RHOU: variants seen among roughly 807,000 people sequenced by gnomAD.
RHOU encodes the protein rho-related GTP-binding protein RhoU.
In RHOU, 8 loss-of-function variants were observed where a neutral mutation model predicts 12.6. The ratio of observed to expected loss-of-function variants is 0.64; its 90% confidence interval spans 0.37 to 1.15. RHOU has a LOEUF of 1.15. RHOU is among the 50% of genes most tolerant of loss of function. RHOU has a pLI of 0.01. For missense variants in RHOU, 258 were observed against 347.0 expected (o/e 0.74, Z 2.04); for synonymous variants, 161 against 147.4 (o/e 1.09, Z -0.67).
chr1:228,743,375 A>T lies in RHOU; in HGVS notation c.412A>T (p.Asn138Tyr). The T allele has an allele frequency of 6.2e-7, 1 of 1,614,126 alleles. No individual in the cohort carries two copies. The highest frequency in any genetic ancestry group is 8.5e-7 in the Non-Finnish European group (1 of 1,180,018). Residue 138 changes from asparagine to tyrosine, a missense_variant, in exon 3 of 3, where the codon AAC (asparagine) becomes TAC (tyrosine). Transcript: ENST00000366691. This position sits in a 1 kb window ranked among gnomAD's most constrained non-coding sequence, Gnocchi z 5.1. ...FSVVSPSSFQ[N>Y]VSEKWVPEIR... ...TGTCGTGAGCCCCTCATCCTTCCAG[A>T]ACGTCAGTGAGAAATGGGTGCCGGA...
chr1:228,652,912 T>C, the RHOU span, among the ~76,000 whole-genome samples: 1 of 152,204 alleles, frequency 6.6e-6, no homozygotes, highest in East Asian at 1.9e-4. Context: ...AGTGAAAGCA[T>C]TTATTTTTTT....
the RHOU span, among the ~76,000 whole-genome samples, chr1:228,699,070 G>T: frequency 6.6e-6 from 1 of 151,512 alleles, no homozygotes; most frequent in Non-Finnish European, 1.5e-5. Context: ...ATCCTCAGTC[G>T]GTGGGCTATG....
chr1:228,746,619 A>G lies in RHOU; in HGVS notation c.*2879A>G, dbSNP rs1662839352. ...GATGTTGAGCAGAATGTTGTACTTGAAAATGCTATAAGTGAGATGGTATGA... is the reference window on the plus strand; with the variant it reads ...GATGTTGAGCAGAATGTTGTACTTGGAAATGCTATAAGTGAGATGGTATGA... On this transcript the variant is annotated 3_prime_UTR_variant, in exon 3 of 3. Coordinates refer to ENST00000366691, the MANE Select transcript of RHOU (RefSeq NM_021205.6). 1 of 152,244 alleles carries G rather than the reference A, an allele frequency of 6.6e-6. No homozygotes were observed. Among genetic ancestry groups the G allele is most frequent in the African/African-American group, 2.4e-5 (1 of 41,476 alleles). 9.4% of individuals were successfully genotyped at this position (152,244 alleles called of 1,614,324 possible).
chr1:228,719,001 G>T, the RHOU span, among the ~76,000 whole-genome samples: 7 of 152,156 alleles, frequency 4.6e-5, no homozygotes, highest in Non-Finnish European at 7.4e-5. Flanking sequence ...CGTCTAAAAG[G>T]TTTGAAATTT....
At chr1:228,714,483 C>T in the RHOU span, among the ~76,000 whole-genome samples, 1 of 152,044 alleles carries the variant, frequency 6.6e-6, no homozygotes. Context: ...TAACTTCCTC[C>T]ACATATTCTA....
chr1:228,671,573 C>G, the RHOU span, among the ~76,000 whole-genome samples: 6,467 of 151,330 alleles, frequency 0.043, 480 homozygotes, highest in African/African-American at 0.15. Context: ...AAAAATTAGC[C>G]CAGCATGGTG....
the RHOU span, among the ~76,000 whole-genome samples, chr1:228,724,832 G>A: frequency 6.6e-6 from 1 of 152,110 alleles, no homozygotes; most frequent in African/African-American, 2.4e-5. Context: ...AAATAGGTGT[G>A]GCATGGGTGC....
rs1278715546 is a variant in RHOU, at chr1:228,746,014, G to A, written c.*2274G>A. 6.6e-6 allele frequency: 1 copy of A among 152,222 alleles called. No homozygotes were observed. The highest frequency in any genetic ancestry group is 1.9e-4 in the East Asian group (1 of 5,196). 9.4% of individuals were successfully genotyped at this position (152,222 alleles called of 1,614,324 possible). ...AGTGCTCAGTGAAGTACACCTGTGTGGCCCAGTTCTGAAAGCTTTATACAG... is the reference window on the plus strand; with the variant it reads ...AGTGCTCAGTGAAGTACACCTGTGTAGCCCAGTTCTGAAAGCTTTATACAG... On this transcript the variant is annotated 3_prime_UTR_variant, in exon 3 of 3. Coordinates refer to ENST00000366691, the MANE Select transcript of RHOU (RefSeq NM_021205.6).
chr1:228,649,608 A>T, the RHOU span, among the ~76,000 whole-genome samples: 1 of 152,330 alleles, frequency 6.6e-6, no homozygotes, highest in East Asian at 1.9e-4. Context: ...GTGACATTTG[A>T]TGCTGTTTTG....
Position 228,744,295 on chromosome 1 carries a change from A to T in RHOU, c.*555A>T, listed in dbSNP as rs1344923405. On this transcript the variant is annotated 3_prime_UTR_variant, in exon 3 of 3. Transcript: ENST00000366691. The stretch of plus-strand genomic sequence containing the variant: ...AAACCTCAAACCAGTCACTTTTGTC[A>T]ATTGCTAATACCCAGTTACTTATGA... 6.6e-6 allele frequency: 1 copy of T among 152,438 alleles called. No homozygotes were observed. Among genetic ancestry groups the T allele is most frequent in the Non-Finnish European group, 1.5e-5 (1 of 68,236 alleles). The allele number at this position is 152,438 out of a possible 1,614,324, so 9.4% of individuals were successfully genotyped here.
the RHOU span, among the ~76,000 whole-genome samples, chr1:228,663,632 T>C: frequency 2.2e-4 from 29 of 132,050 alleles, no homozygotes; most frequent in South Asian, 5.3e-4. Context: ...TTTCTTTTTT[T>C]TTTTTTTTTT....
the RHOU span, among the ~76,000 whole-genome samples, chr1:228,693,383 T>G: frequency 2.0e-5 from 3 of 152,106 alleles, no homozygotes; most frequent in Non-Finnish European, 4.4e-5. Context: ...ATTTGAAGTG[T>G]GGTAAAGGAA....
the RHOU span, among the ~76,000 whole-genome samples, chr1:228,659,239 A>G: frequency 1.9e-3 from 285 of 152,148 alleles, 2 homozygotes; most frequent in Middle Eastern, 0.024. Context: ...TCAGCTGGGC[A>G]TGGTGGCAGG....
At chr1:228,657,603 T>C in the RHOU span, among the ~76,000 whole-genome samples, 1 of 152,150 alleles carries the variant, frequency 6.6e-6, no homozygotes, top group South Asian at 2.1e-4. Flanking sequence ...AATACCCTAC[T>C]GGTAATAATG....
At chr1:228,707,128 A>ATATATATATG in the RHOU span, among the ~76,000 whole-genome samples, 883 of 67,516 alleles carry the variant, frequency 0.013, 37 homozygotes, top group East Asian at 0.14. Flanking sequence ...ATATATATAC[A>ATATATATATG]TATATATATA....
chr1:228,727,556 A>G, the RHOU span, among the ~76,000 whole-genome samples: 247 of 152,268 alleles, frequency 1.6e-3, no homozygotes, highest in African/African-American at 5.1e-3. Context: ...GCAGATTTAT[A>G]TGGCATTTGG....
the RHOU span, among the ~76,000 whole-genome samples, chr1:228,646,883 G>C: frequency 0.21 from 32,009 of 151,714 alleles, 3,482 homozygotes; most frequent in African/African-American, 0.26. Context: ...GATAGAAACC[G>C]AGGGAGGGAG....
At chr1:228,696,876 A>G in the RHOU span, among the ~76,000 whole-genome samples, 3 of 152,328 alleles carry the variant, frequency 2.0e-5, no homozygotes, top group Admixed American at 2.0e-4. Flanking sequence ...TTCCCACAGT[A>G]TGCCAAAAGC....
the RHOU span, among the ~76,000 whole-genome samples, chr1:228,684,076 C>T: frequency 2.0e-5 from 3 of 152,178 alleles, no homozygotes; most frequent in South Asian, 2.1e-4. Flanking sequence ...CTTGCTCTGT[C>T]GCCCAGGCTG....
Sources: gnomAD v4.1 joint callset for allele counts (sites outside exome capture counted in the v4.1 genomes callset) on GRCh38, gnomAD v4.1.1 for gene constraint, Gnocchi (gnomAD v3.1) non-coding constraint, MANE v1.5 for transcripts, NCBI Gene and HGNC (gene_info 2026-07-23, HGNC 2026-07-21) for gene names.